Variants in CEP350 observed in about 807,000 individuals in gnomAD.
The protein encoded by CEP350 is centrosomal protein 350, also known as centrosome-associated protein 350.
In CEP350, 126 loss-of-function variants were observed where a neutral mutation model predicts 331.8. The observed-to-expected ratio is 0.38, with a 90% confidence interval of 0.33 to 0.44. The LOEUF (loss-of-function observed/expected upper bound fraction) is 0.44. CEP350 is among the 20% of genes least tolerant of loss of function. CEP350 has a pLI of 1.00. For synonymous variants in CEP350, 1,200 were observed against 1,259.5 expected (o/e 0.95, Z 1.00); for missense variants, 3,406 against 3,634.6 (o/e 0.94, Z 1.62).
intron 32 of CEP350, among the ~76,000 whole-genome samples, chr1:180,089,313 C>T (rs371551363): frequency 2.0e-5 from 3 of 152,128 alleles, no homozygotes; most frequent in Admixed American, 6.6e-5. Flanking sequence ...GAGCCAGGCA[C>T]GGTGGCTCAC....
chr1:180,086,951 C>T (rs553766659), intron 31 of CEP350, among the ~76,000 whole-genome samples: 22 of 152,182 alleles, frequency 1.4e-4, no homozygotes, highest in African/African-American at 5.3e-4. Context: ...AAACACTAGT[C>T]TGAAATAGTG....
intron 32 of CEP350, among the ~76,000 whole-genome samples, chr1:180,089,023 TC>T (rs1348941933): frequency 6.6e-6 from 1 of 152,220 alleles, no homozygotes; most frequent in African/African-American, 2.4e-5. Flanking sequence ...TATGTATTTT[TC>T]CATTATATTA....
intron 1 of CEP350, among the ~76,000 whole-genome samples, chr1:179,979,077 A>G (rs1343623082): frequency 6.6e-6 from 1 of 152,178 alleles, no homozygotes; most frequent in Non-Finnish European, 1.5e-5. Context: ...TCCCTTGGAT[A>G]AATATGCAGT....
At position 180,098,928 on chromosome 1, in the gene CEP350, T is replaced by C; in HGVS notation, c.9132T>C (p.Asp3044=). ...AAAAGGAGCCAAACCACAAAACAGA[T>C]TGGCAGAAAATGATGAAATTTGGAA... The part of the protein sequence containing the change: ...SLKKEPNHKT[D]WQKMMKFGRK... The change falls in exon 37 of 38, where the codon GAT becomes GAC. Residue 3044 remains aspartate, a synonymous_variant. Transcript: ENST00000367607. The C allele has an allele frequency of 1.9e-6, 3 of 1,613,634 alleles. No individual in the cohort carries two copies. The highest frequency in any genetic ancestry group is 8.5e-7 in the Non-Finnish European group (1 of 1,179,732).
At chr1:180,096,475 A>G (rs1032576403) in intron 36 of CEP350, among the ~76,000 whole-genome samples, 1 of 152,136 alleles carries the variant, frequency 6.6e-6, no homozygotes, top group Non-Finnish European at 1.5e-5. Context: ...AAAAATTAGG[A>G]AATACCTAGG....
chr1:179,987,843 T>C (rs1203508261), intron 3 of CEP350, among the ~76,000 whole-genome samples: 1 of 151,962 alleles, frequency 6.6e-6, no homozygotes, highest in Non-Finnish European at 1.5e-5. Flanking sequence ...GGAGGATTGC[T>C]TGAGCCCAGG....
chr1:179,995,181 CAGG>C (rs1653377984), intron 5 of CEP350, among the ~76,000 whole-genome samples: 1 of 152,192 alleles, frequency 6.6e-6, no homozygotes, highest in Non-Finnish European at 1.5e-5. Flanking sequence ...TTCAGACGTT[CAGG>C]TCCAGCCTGT....
At chr1:180,091,733 G>A (rs1047599884) in intron 33 of CEP350, among the ~76,000 whole-genome samples, 1 of 151,972 alleles carries the variant, frequency 6.6e-6, no homozygotes, top group Admixed American at 6.6e-5. Flanking sequence ...GCAGGGCTGA[G>A]GCAGGAAGAT....
At position 180,091,828 on chromosome 1, in the gene CEP350, C is replaced by CA. The variant is rs59793106; in HGVS notation, c.6509-771dup. Among the ~76,000 whole-genome samples the CA allele has an allele frequency of 8.3e-3, 927 of 111,378 alleles. 5 individuals carry two copies. The highest frequency in any genetic ancestry group is 0.037 in the East Asian group (145 of 3,916). The allele number at this position is 111,378 out of a possible 152,430, so 73.1% of individuals were successfully genotyped here. On this transcript the variant is annotated intron_variant, in intron 33 of 37. Transcript: ENST00000367607. ...TGGGTGACAAATTGAGACACTATCT[C>CA]AAAAAAAAAAAAAAATGTAATTCAG...
intron 17 of CEP350, 55 bp from the exon 18 acceptor site, chr1:180,041,083 A>T: frequency 7.9e-7 from 1 of 1,270,144 alleles, no homozygotes; most frequent in Non-Finnish European, 1.1e-6. Flanking sequence ...TGTTATAGTC[A>T]CTGTGTTAAA....
chr1:180,042,764 A>G (rs1656854218), intron 19 of CEP350, among the ~76,000 whole-genome samples: 1 of 152,240 alleles, frequency 6.6e-6, no homozygotes, highest in African/African-American at 2.4e-5. Flanking sequence ...AGGAAGATTT[A>G]ATTTTTGGCT....
intron 37 of CEP350, among the ~76,000 whole-genome samples, chr1:180,100,273 T>C (rs899888472): frequency 2.6e-5 from 4 of 152,260 alleles, no homozygotes; most frequent in Admixed American, 2.6e-4. Context: ...TTAAGTGACT[T>C]GCCCAGTAAA....
chr1:179,974,483 A>T (rs1046057181), intron 1 of CEP350, among the ~76,000 whole-genome samples: 2 of 152,242 alleles, frequency 1.3e-5, no homozygotes, highest in African/African-American at 4.8e-5. Context: ...AAGAAGATAC[A>T]GTCCTTAAGG....
intron 22 of CEP350, chr1:180,052,354 C>A: frequency 2.8e-6 from 1 of 363,500 alleles, no homozygotes; most frequent in Admixed American, 3.9e-5. Context: ...ATTGTGGTTT[C>A]TAAATATCAT....
At chr1:180,030,818 G>A (rs1171733040) in intron 14 of CEP350, among the ~76,000 whole-genome samples, 2 of 151,850 alleles carry the variant, frequency 1.3e-5, no homozygotes, top group African/African-American at 4.8e-5. Flanking sequence ...CATAATTTTT[G>A]TTTCAGTCAT....
At chr1:179,992,854 T>A (rs984546843) in intron 5 of CEP350, among the ~76,000 whole-genome samples, 1 of 152,226 alleles carries the variant, frequency 6.6e-6, no homozygotes. Context: ...TTCAGTGCAT[T>A]CATGCTCTTA....
At chr1:180,084,950 A>T (rs1659772735) in intron 31 of CEP350, among the ~76,000 whole-genome samples, 1 of 152,016 alleles carries the variant, frequency 6.6e-6, no homozygotes, top group African/African-American at 2.4e-5. Context: ...TGAAAGAAAG[A>T]TTGGTGTCTA....
chr1:179,996,650 A>G lies in CEP350; in HGVS notation c.493A>G (p.Asn165Asp), dbSNP rs759716691. Residue 165 changes from asparagine (N) to aspartate (D), a missense_variant, in exon 6 of 38, where the codon AAC becomes GAC. Asn to Asp is a conservative substitution (Grantham distance 23). Transcript: ENST00000367607. ...DVNEEKTESG[N>D]WMIGSREERN... is the part of the protein sequence containing the mutation. ...TAATGAAGAAAAGACTGAGAGCGGT[A>G]ACTGGATGATAGGCAGTCGAGAAGA... 1.9e-6 allele frequency: 3 copies of G among 1,613,272 alleles called. No individual in the cohort carries two copies. Among genetic ancestry groups the G allele is most frequent in the Non-Finnish European group, 2.5e-6 (3 of 1,179,574 alleles).
Position 179,992,143 on chromosome 1 carries a change from C to T in CEP350, c.317C>T (p.Pro106Leu). ...TKSRKEKSRS[P>L]LRATTLESNV... ...TCACGAAAAGAGAAATCTCGTAGTC[C>T]TCTCAGGGCCACCACCCTGGAGAGT... The change falls in exon 5 of 38, where the codon CCT becomes CTT. Residue 106 changes from proline (P) to leucine (L), a missense_variant. Coordinates refer to ENST00000367607, the MANE Select transcript of CEP350 (RefSeq NM_014810.5). 3 of 1,544,442 alleles carry T rather than the reference C, an allele frequency of 1.9e-6. No homozygotes were observed. Among genetic ancestry groups the T allele is most frequent in the Non-Finnish European group, 2.6e-6 (3 of 1,148,346 alleles).
Sources: allele counts gnomAD v4.1 joint callset (sites outside exome capture counted in the v4.1 genomes callset), GRCh38; gene constraint gnomAD v4.1.1; transcripts MANE v1.5; gene names NCBI Gene and HGNC (gene_info 2026-07-23, HGNC 2026-07-21).